Variants in MAGI1 observed in about 807,000 individuals in gnomAD.
The protein encoded by MAGI1 is membrane associated guanylate kinase, WW and PDZ domain containing 1, also known as membrane-associated guanylate kinase, WW and PDZ domain-containing protein 1.
MAGI1 carries 58 observed loss-of-function variants against 139.9 expected under a neutral mutation model. The observed-to-expected ratio is 0.41, with a 90% CI of 0.34 to 0.52. The LOEUF is 0.52. MAGI1 is among the 20% of genes least tolerant of loss of function. The pLI, the probability that MAGI1 is intolerant of heterozygous loss-of-function variation, is 0.12. For missense variants in MAGI1, 1,874 were observed against 1,901.6 expected (o/e 0.99, Z 0.27); for synonymous variants, 812 against 737.9 (o/e 1.10, Z -1.63).
At chr3:65,376,882 G>A (rs893768595) in intron 17 of MAGI1, among the ~76,000 whole-genome samples, 2 of 152,140 alleles carry the variant, frequency 1.3e-5, no homozygotes, top group African/African-American at 4.8e-5. Context: ...GCACTTTGAG[G>A]CACTGCATGT....
At chr3:65,608,048 G>C (rs897632235) in intron 2 of MAGI1, among the ~76,000 whole-genome samples, 1 of 152,160 alleles carries the variant, frequency 6.6e-6, no homozygotes, top group African/African-American at 2.4e-5. Flanking sequence ...AGCTCAAAAA[G>C]GTTAGACAAC....
At chr3:65,658,780 G>A (rs535120023) in intron 1 of MAGI1, among the ~76,000 whole-genome samples, 2 of 152,292 alleles carry the variant, frequency 1.3e-5, no homozygotes, top group South Asian at 2.1e-4. Context: ...CCATCTCAGA[G>A]GAAGTTTCTG....
intron 1 of MAGI1, among the ~76,000 whole-genome samples, chr3:65,674,370 A>C (rs1251983417): frequency 6.6e-6 from 1 of 152,168 alleles, no homozygotes; most frequent in African/African-American, 2.4e-5. Flanking sequence ...ATGTATTTTC[A>C]AGAACCAGTC....
chr3:65,910,921 G>A (rs1261173223), intron 1 of MAGI1, among the ~76,000 whole-genome samples: 2 of 135,258 alleles, frequency 1.5e-5, no homozygotes, highest in African/African-American at 5.5e-5. Context: ...GCAGTGGCAT[G>A]ATCTTGGCTC....
chr3:65,856,902 C>G (rs2059394605), intron 1 of MAGI1, among the ~76,000 whole-genome samples: 1 of 152,190 alleles, frequency 6.6e-6, no homozygotes, highest in Non-Finnish European at 1.5e-5. Context: ...CTCAAATCGC[C>G]CATGGATCCA....
At chr3:65,766,901 TAAC>T (rs1015397998) in intron 1 of MAGI1, among the ~76,000 whole-genome samples, 2 of 152,002 alleles carry the variant, frequency 1.3e-5, no homozygotes, top group African/African-American at 2.4e-5. Flanking sequence ...ATAGTAATAA[TAAC>T]AACAGAATAA....
chr3:65,784,084 T>C (rs957640178), intron 1 of MAGI1, among the ~76,000 whole-genome samples: 20 of 151,694 alleles, frequency 1.3e-4, no homozygotes, highest in Middle Eastern at 3.4e-3. Context: ...GATTGTGCCA[T>C]TGCACTCCAG....
At chr3:65,830,071 A>G (rs1476555747) in intron 1 of MAGI1, among the ~76,000 whole-genome samples, 1 of 152,216 alleles carries the variant, frequency 6.6e-6, no homozygotes, top group Non-Finnish European at 1.5e-5. Context: ...CCTGGTACAC[A>G]TACAGAGGCA....
At chr3:65,570,958 G>T (rs2080928868) in intron 2 of MAGI1, among the ~76,000 whole-genome samples, 1 of 152,124 alleles carries the variant, frequency 6.6e-6, no homozygotes, top group Non-Finnish European at 1.5e-5. Flanking sequence ...TTTTGCCAAT[G>T]GTATCTGTAG....
At chr3:65,690,246 T>A (rs895471889) in intron 1 of MAGI1, among the ~76,000 whole-genome samples, 13 of 152,100 alleles carry the variant, frequency 8.5e-5, no homozygotes, top group African/African-American at 2.9e-4. Context: ...ATCAAATGAA[T>A]ACAGAGGAAG....
chr3:65,517,544 A>C (rs2077964029), intron 2 of MAGI1, among the ~76,000 whole-genome samples: 3 of 152,210 alleles, frequency 2.0e-5, no homozygotes, highest in Admixed American at 1.3e-4. Flanking sequence ...AAAACTGAAG[A>C]AAGTGGGAGG....
chr3:65,587,311 T>G (rs2106702649), intron 2 of MAGI1, among the ~76,000 whole-genome samples: 1 of 152,186 alleles, frequency 6.6e-6, no homozygotes, highest in East Asian at 1.9e-4. Flanking sequence ...CTGGGCAAAA[T>G]CATCTAACAC....
chr3:65,799,173 G>A (rs1181625904), intron 1 of MAGI1, among the ~76,000 whole-genome samples: 1 of 152,172 alleles, frequency 6.6e-6, no homozygotes, highest in Admixed American at 6.6e-5. Context: ...CTGTGAAACT[G>A]TAATGAAGGA....
At chr3:65,703,473 A>G (rs2107619803) in intron 1 of MAGI1, among the ~76,000 whole-genome samples, 1 of 152,354 alleles carries the variant, frequency 6.6e-6, no homozygotes, top group African/African-American at 2.4e-5. Context: ...GCCCTTAGGC[A>G]ATTCTACCCA....
At chr3:65,962,268 G>A (rs1289272301) in intron 1 of MAGI1, among the ~76,000 whole-genome samples, 20 of 151,354 alleles carry the variant, frequency 1.3e-4, no homozygotes, top group Non-Finnish European at 5.9e-5. Flanking sequence ...ACAGGCACCC[G>A]CCACCATGCC....
chr3:65,596,247 C>T (rs899879855), intron 2 of MAGI1, among the ~76,000 whole-genome samples: 1 of 152,134 alleles, frequency 6.6e-6, no homozygotes, highest in African/African-American at 2.4e-5. Flanking sequence ...CGTGGGTTAC[C>T]ATGTGCATAT....
chr3:66,002,038 T>C (rs1232513555), intron 1 of MAGI1, among the ~76,000 whole-genome samples: 2 of 152,196 alleles, frequency 1.3e-5, no homozygotes. Context: ...CTGAAGCCAC[T>C]TGACAGGCTT....
chr3:65,738,742 GT>G (rs1226825826), intron 1 of MAGI1, among the ~76,000 whole-genome samples: 2 of 152,192 alleles, frequency 1.3e-5, no homozygotes, highest in Non-Finnish European at 2.9e-5. Context: ...TTGTCGATGA[GT>G]AGCAGTAACA....
Position 65,354,089 on chromosome 3 carries a change from G to C in MAGI1, c.*2289C>G, listed in dbSNP as rs1238546583. On this transcript the variant is annotated 3_prime_UTR_variant, in exon 23 of 23. Transcript: ENST00000402939. Reference sequence around the variant, plus strand: ...CTCTGGATCACAATTGAGAGCATCAGTCATTTAACATCACAGATTTTGTTA... The same window carrying C: ...CTCTGGATCACAATTGAGAGCATCACTCATTTAACATCACAGATTTTGTTA... The C allele has an allele frequency of 6.6e-6, 1 of 152,188 alleles. No individual in the cohort carries two copies. Among genetic ancestry groups the C allele is most frequent in the African/African-American group, 2.4e-5 (1 of 41,448 alleles). The allele number at this position is 152,188 out of a possible 1,614,324, so 9.4% of individuals were successfully genotyped here. A position where few individuals can be genotyped will look rare whatever the true frequency, so the allele number is the denominator to read the frequency against.
Sources: allele counts gnomAD v4.1 joint callset (sites outside exome capture counted in the v4.1 genomes callset), GRCh38; gene constraint gnomAD v4.1.1; transcripts MANE v1.5; gene names NCBI Gene and HGNC (gene_info 2026-07-23, HGNC 2026-07-21).